The following WAS variants were observed in gnomAD, a reference collection of about 807,000 sequenced individuals.
The protein encoded by WAS is WASP actin nucleation promoting factor.
WAS carries 1 observed loss-of-function variant against 38.9 expected under a neutral mutation model. The ratio of observed to expected loss-of-function variants is 0.03; its 90% CI spans 0.01 to 0.12. The LOEUF is 0.12. Ranked by LOEUF, WAS falls within the 10% of genes least tolerant of loss-of-function variation. The pLI is 1.00. For synonymous variants in WAS, 182 were observed against 173.6 expected, an observed-to-expected ratio of 1.05 and a Z score of -0.38; for missense variants, 311 against 431.2, an observed-to-expected ratio of 0.72 and a Z score of 2.47.
Position 48,684,440 on chromosome X carries a change from C to T in WAS, c.273+17C>T, listed in dbSNP as rs782174975. The T allele has an allele frequency of 1.6e-5, 19 of 1,198,740 alleles. No homozygotes were observed. Among genetic ancestry groups the T allele is most frequent in the South Asian group, 3.6e-5 (2 of 55,119 alleles). ...GGCCTTCAGGTGACCCCCCCACCCC[C>T]GACTGGACTTGCAAGCCAGTTCTCA... On this transcript the variant is annotated intron_variant, in intron 2 of 11. Coordinates refer to ENST00000376701, the MANE Select transcript of WAS (RefSeq NM_000377.3).
In WAS at chrX:48,691,206, T is replaced by C. The variant is rs1557007740; in HGVS notation, c.*44T>C. 8.6e-7 allele frequency: 1 copy of C among 1,164,384 alleles called. No homozygotes were observed. The highest frequency in any genetic ancestry group is 1.8e-5 in the South Asian group (1 of 55,570). ...GCCCTGTGCTCCTCCCCGCAGGACA[T>C]GGCTCCCCCTCCACCTGCTCTGTGC... On this transcript the variant is annotated 3_prime_UTR_variant, in exon 12 of 12. Coordinates refer to ENST00000376701, the MANE Select transcript of WAS (RefSeq NM_000377.3).
In WAS at chrX:48,689,385, G is replaced by A. The variant is rs1557007439; in HGVS notation, c.1404G>A (p.Gly468=). Residue 468 remains glycine, a synonymous_variant, in exon 11 of 12, where the codon GGG becomes GGA. Coordinates refer to ENST00000376701, the MANE Select transcript of WAS (RefSeq NM_000377.3). ...CTCAGAGCTCAGAGGGACTGGTGGGGGCCCTGATGCACGTGATGCAGAAGA... is the reference window on the plus strand; with the variant it reads ...CTCAGAGCTCAGAGGGACTGGTGGGAGCCCTGATGCACGTGATGCAGAAGA... ...PPPQSSEGLV[G]ALMHVMQKRS... 8.3e-7 allele frequency: 1 copy of A among 1,210,100 alleles called. No homozygotes were observed. The highest frequency in any genetic ancestry group is 1.1e-6 in the Non-Finnish European group (1 of 895,000).
chrX:48,682,682 C>T (rs1200387331), upstream of WAS, among the ~76,000 whole-genome samples: 4 of 110,553 alleles, frequency 3.6e-5, no homozygotes, highest in South Asian at 1.2e-3. Flanking sequence ...ATCACGAGGT[C>T]GAGAAATCGA....
Position 48,691,357 on chromosome X carries a change from A to G in WAS, c.*195A>G. 4.6e-6 allele frequency: 2 copies of G among 434,902 alleles called. No individual in the cohort carries two copies. The highest frequency in any genetic ancestry group is 7.5e-5 in the East Asian group (2 of 26,540). 35.8% of individuals were successfully genotyped at this position (434,902 alleles called of 1,213,427 possible). A position where few individuals can be genotyped will look rare whatever the true frequency, so the allele number is the denominator to read the frequency against. ...AATCCCAAGGCCCTTTTTATACAAA[A>G]ATTCTCAGTTCTCTTCACTCAAGGA... On this transcript the variant is annotated 3_prime_UTR_variant, in exon 12 of 12. Coordinates refer to ENST00000376701, the MANE Select transcript of WAS (RefSeq NM_000377.3).
upstream of WAS, among the ~76,000 whole-genome samples, chrX:48,679,620 C>T (rs1316434448): frequency 1.8e-5 from 2 of 109,952 alleles, no homozygotes; most frequent in East Asian, 5.7e-4. Context: ...CCCATCTCTA[C>T]AAAAAATATG....
chrX:48,691,070 A>G (rs1439559598), intron 11 of WAS, 37 bp from the exon 12 acceptor site: 1 of 1,194,286 alleles, frequency 8.4e-7, no homozygotes, highest in Non-Finnish European at 1.1e-6. Context: ...CCCCCCACCA[A>G]CCTCCCAGGG....
In WAS at chrX:48,691,415, GTC is replaced by G. The variant is rs782385900; in HGVS notation, c.*259_*260del. 6 of 408,790 alleles carry G rather than the reference GTC, an allele frequency of 1.5e-5. No homozygotes were observed. In the South Asian group the frequency reaches 2.0e-4, roughly 13 times the overall value. The allele number at this position is 408,790 out of a possible 1,213,427, so 33.7% of individuals were successfully genotyped here. On this transcript the variant is annotated 3_prime_UTR_variant, in exon 12 of 12. Coordinates refer to ENST00000376701, the MANE Select transcript of WAS (RefSeq NM_000377.3). ...AGAAAAATAAAAGAATTGTCTTTCT[GTC>G]TCTCTATAAATCTCAGTCTGTTTAC... is the stretch of plus-strand genomic sequence containing the variant.
At position 48,689,017 on chromosome X, in the gene WAS, G is replaced by C. The variant is rs1557007328; in HGVS notation, c.1289G>C (p.Gly430Ala). 2 of 1,202,699 alleles carry C rather than the reference G, an allele frequency of 1.7e-6. No homozygotes were observed. The highest frequency in any genetic ancestry group is 1.1e-6 in the Non-Finnish European group (1 of 893,181). ...GCCGGGGGCCTGGCCCCTGGTGGGG[G>C]TCGGGGAGCGCTTTTGGATCAAATC... ...VPAGGLAPGGGRGALLDQIRQ... is the reference protein window; with the variant it reads ...VPAGGLAPGGARGALLDQIRQ... The change falls in exon 10 of 12, where the codon GGT becomes GCT. Residue 430 changes from glycine (G) to alanine (A), a missense_variant. Physicochemically the swap from Gly to Ala is moderately conservative, Grantham distance 60. This residue lies in a region of WAS where 142 missense variants were observed against 157.6 expected (regional missense o/e 0.90). Coordinates refer to ENST00000376701, the MANE Select transcript of WAS (RefSeq NM_000377.3).
intron 7 of WAS, 74 bp downstream of exon 7, chrX:48,687,029 GA>G: frequency 8.9e-7 from 1 of 1,126,899 alleles, no homozygotes; most frequent in Non-Finnish European, 1.2e-6. Flanking sequence ...ACAGCTGAGT[GA>G]ATGGAAGGAT....
In WAS at chrX:48,686,815, G is replaced by A. The variant is rs376545922; in HGVS notation, c.594G>A (p.Ala198=). The stretch of plus-strand genomic sequence containing the variant: ...TGGGTCCGCTCTCCCTGGGGCTGGC[G>A]ACAGTGGACATCCAGAACCCTGACA... ...PPVGPLSLGL[A]TVDIQNPDIT... The change falls in exon 7 of 12, where the codon GCG becomes GCA. Residue 198 remains alanine, a synonymous_variant. Coordinates refer to ENST00000376701, the MANE Select transcript of WAS (RefSeq NM_000377.3). 3.2e-5 allele frequency: 39 copies of A among 1,210,070 alleles called. No individual in the cohort carries two copies. Among genetic ancestry groups the A allele is most frequent in the Non-Finnish European group, 4.1e-5 (37 of 895,283 alleles).
intron 1 of WAS, among the ~76,000 whole-genome samples, chrX:48,678,439 G>A (rs1291666347): frequency 2.7e-5 from 3 of 111,350 alleles, no homozygotes; most frequent in Non-Finnish European, 5.7e-5. Flanking sequence ...TTGGGGTGTG[G>A]TGATCAGGAC....
Position 48,688,716 on chromosome X carries a change from C to T in WAS, c.988C>T (p.Pro330Ser). Residue 330 changes from proline (P) to serine (S), a missense_variant, in exon 10 of 12, where the codon CCT becomes TCT. Coordinates refer to ENST00000376701, the MANE Select transcript of WAS (RefSeq NM_000377.3). ...AGGAGGGAACCAGCTCCCCCGGCCCCCTATTGTGGGGGGTAACAAGGGTCG... is the reference window on the plus strand; with the variant it reads ...AGGAGGGAACCAGCTCCCCCGGCCCTCTATTGTGGGGGGTAACAAGGGTCG... ...SRGGNQLPRP[P>S]IVGGNKGRSG... The T allele has an allele frequency of 8.4e-7, 1 of 1,183,463 alleles. No individual in the cohort carries two copies. Among genetic ancestry groups the T allele is most frequent in the Non-Finnish European group, 1.1e-6 (1 of 881,360 alleles).
intron 11 of WAS, among the ~76,000 whole-genome samples, chrX:48,690,479 T>C (rs1209870982): frequency 8.9e-6 from 1 of 112,397 alleles, no homozygotes; most frequent in Admixed American, 9.4e-5. Flanking sequence ...ATAATGTTAC[T>C]ATTACTCTCT....
intron 2 of WAS, among the ~76,000 whole-genome samples, chrX:48,684,976 C>T (rs1309566688): frequency 9.0e-6 from 1 of 111,465 alleles, no homozygotes; most frequent in Non-Finnish European, 1.9e-5. Flanking sequence ...CTGACCTGAA[C>T]TTTCTAGGTT....
At position 48,691,255 on chromosome X, in the gene WAS, G is replaced by A; in HGVS notation, c.*93G>A. 1.1e-6 allele frequency: 1 copy of A among 896,539 alleles called. No homozygotes were observed. The highest frequency in any genetic ancestry group is 2.1e-5 in the South Asian group (1 of 47,908). The allele number at this position is 896,539 out of a possible 1,213,427, so 73.9% of individuals were successfully genotyped here. ...GCCCACCCTCCACTCTCCTCTTCCAGGCCCCCAACCCCCCATTTCTTCCCC... is the reference window on the plus strand; with the variant it reads ...GCCCACCCTCCACTCTCCTCTTCCAAGCCCCCAACCCCCCATTTCTTCCCC... On this transcript the variant is annotated 3_prime_UTR_variant, in exon 12 of 12. Transcript: ENST00000376701.
chrX:48,688,207 C>A, intron 8 of WAS, 93 bp from the exon 9 acceptor site: 1 of 1,156,417 alleles, frequency 8.6e-7, no homozygotes, highest in South Asian at 1.9e-5. Context: ...CCTCTCAGAT[C>A]CCTTGCTGGG....
intron 2 of WAS, among the ~76,000 whole-genome samples, 164 bp downstream of exon 2, chrX:48,684,587 C>T (rs1185122294): frequency 1.8e-5 from 2 of 111,887 alleles, no homozygotes; most frequent in African/African-American, 6.5e-5. Context: ...ACTTGCCTTT[C>T]TAAGTCTGCA....
In WAS at chrX:48,686,731, G is replaced by A. The variant is rs377126493; in HGVS notation, c.560-50G>A. The A allele has an allele frequency of 3.4e-6, 4 of 1,192,390 alleles. No individual in the cohort carries two copies. The African/African-American group carries it at 5.3e-5, about 16-fold the overall frequency. On this transcript the variant is annotated intron_variant, in intron 6 of 11. Transcript: ENST00000376701. ...CTTCCGTTTCTTGCCCCTGTGCTTT[G>A]GTTGGTTGGTAAGTGGGTCAATGAG...
chrX:48,682,165 G>A, upstream of WAS, among the ~76,000 whole-genome samples: 1 of 112,333 alleles, frequency 8.9e-6, no homozygotes, highest in Non-Finnish European at 1.9e-5. Context: ...TGTGGACCAG[G>A]AGATGTGTGC....
Sources: gnomAD v4.1 joint callset for allele counts (sites outside exome capture counted in the v4.1 genomes callset) on GRCh38, gnomAD v4.1.1 for gene constraint, gnomAD v4.1.1 regional missense constraint, MANE v1.5 for transcripts, NCBI Gene and HGNC (gene_info 2026-07-23, HGNC 2026-07-21) for gene names.